Variants in ARHGAP40 observed in about 807,000 individuals in gnomAD.
ARHGAP40 encodes rho GTPase-activating protein 40.
ARHGAP40 carries 43 observed loss-of-function variants against 73.5 expected under a neutral mutation model. The observed-to-expected ratio is 0.58, with a 90% confidence interval of 0.46 to 0.75. ARHGAP40 has a LOEUF of 0.75. ARHGAP40 is among the 30% of genes least tolerant of loss of function. The probability of loss-of-function intolerance (pLI) is 0.00; values close to 1 mark genes in which losing one functional copy is unlikely to be tolerated. For synonymous variants in ARHGAP40, 300 were observed against 352.8 expected (o/e 0.85, Z 1.68); for missense variants, 734 against 861.8 (o/e 0.85, Z 1.86).
exon 11 of ARHGAP40, chr20:38,643,709 G>T: frequency 2.3e-6 from 3 of 1,305,742 alleles, no homozygotes; most frequent in Non-Finnish European, 3.0e-6. Context: ...CCTAGGCACT[G>T]CTGGAATTCC....
intron 9 of ARHGAP40, among the ~76,000 whole-genome samples, chr20:38,640,362 A>G (rs533670841): frequency 6.6e-6 from 1 of 151,836 alleles, no homozygotes; most frequent in Non-Finnish European, 1.5e-5. Context: ...GAATATAGGC[A>G]CATGAGACCA....
intron 14 of ARHGAP40, 103 bp from the exon 15 acceptor site, chr20:38,649,654 A>T (rs1015816558): frequency 7.9e-6 from 5 of 629,568 alleles, no homozygotes; most frequent in Non-Finnish European, 1.3e-5. Context: ...GTCAAGATGC[A>T]TACAGCCAGG....
intron 1 of ARHGAP40, among the ~76,000 whole-genome samples, chr20:38,604,885 TATA>T (rs761070852): frequency 2.0e-5 from 3 of 152,050 alleles, no homozygotes; most frequent in Non-Finnish European, 4.4e-5. Flanking sequence ...AAAATCAGCT[TATA>T]ATAATATCAC....
intron 1 of ARHGAP40, among the ~76,000 whole-genome samples, chr20:38,622,629 C>T (rs1020204656): frequency 3.3e-5 from 5 of 152,132 alleles, no homozygotes; most frequent in Non-Finnish European, 5.9e-5. Flanking sequence ...ACCACATAGC[C>T]TGGATCATGA....
chr20:38,606,089 G>A (rs2088769331), intron 1 of ARHGAP40, among the ~76,000 whole-genome samples: 1 of 152,038 alleles, frequency 6.6e-6, no homozygotes, highest in Non-Finnish European at 1.5e-5. Context: ...TCAAACTCCT[G>A]GACTCAAGCA....
chr20:38,637,692 C>G lies in ARHGAP40; in HGVS notation c.950-16C>G, dbSNP rs1404867894. 3.2e-5 allele frequency: 42 copies of G among 1,304,856 alleles called. No homozygotes were observed. The highest frequency in any genetic ancestry group is 4.1e-5 in the Non-Finnish European group (41 of 988,692). The allele number at this position is 1,304,856 out of a possible 1,614,324, so 80.8% of individuals were successfully genotyped here. A position where few individuals can be genotyped will look rare whatever the true frequency, so the allele number is the denominator to read the frequency against. Reference sequence around the variant, plus strand: ...CCAAGAAGTGAAATGTGCCTCTGCTCTTTGACTTTCTGCAGAAACTCGCCT... The same window carrying G: ...CCAAGAAGTGAAATGTGCCTCTGCTGTTTGACTTTCTGCAGAAACTCGCCT... On this transcript the variant is annotated splice_polypyrimidine_tract_variant and intron_variant, in intron 6 of 14. Coordinates refer to ENST00000373345, the Ensembl canonical transcript of ARHGAP40.
intron 1 of ARHGAP40, chr20:38,614,958 G>T (rs1038172292): frequency 7.1e-6 from 9 of 1,261,108 alleles, no homozygotes; most frequent in Non-Finnish European, 1.0e-5. Flanking sequence ...GGAGGTTTGT[G>T]CGAGTTTGTA....
chr20:38,628,874 A>G, intron 3 of ARHGAP40, 53 bp from the exon 4 acceptor site: 1 of 1,241,586 alleles, frequency 8.1e-7, no homozygotes, highest in Middle Eastern at 2.2e-4. Context: ...GGGTTGTGTG[A>G]GCATTGTCAG....
At chr20:38,637,400 C>T (rs2088982162) in intron 6 of ARHGAP40, among the ~76,000 whole-genome samples, 1 of 152,176 alleles carries the variant, frequency 6.6e-6, no homozygotes, top group Non-Finnish European at 1.5e-5. Context: ...CCGCCTGTCT[C>T]AGCCTCCCAA....
chr20:38,607,133 T>C (rs1245224148), intron 1 of ARHGAP40, among the ~76,000 whole-genome samples: 2 of 152,180 alleles, frequency 1.3e-5, no homozygotes, highest in Non-Finnish European at 2.9e-5. Flanking sequence ...AAGGGCAAGT[T>C]CTTGGAGCTG....
intron 10 of ARHGAP40, 128 bp downstream of exon 10, chr20:38,641,936 C>A: frequency 1.6e-6 from 1 of 635,946 alleles, no homozygotes; most frequent in Non-Finnish European, 2.3e-6. Context: ...TCAGTGATGA[C>A]CCACACAAAC....
intron 1 of ARHGAP40, among the ~76,000 whole-genome samples, chr20:38,622,772 T>A (rs993596892): frequency 6.6e-6 from 1 of 152,184 alleles, no homozygotes; most frequent in African/African-American, 2.4e-5. Flanking sequence ...TTCACGTGCC[T>A]GATACTGACC....
intron 1 of ARHGAP40, among the ~76,000 whole-genome samples, chr20:38,622,120 A>T (rs932184324): frequency 1.0e-3 from 144 of 143,132 alleles, no homozygotes; most frequent in African/African-American, 3.9e-3. Context: ...TTTTTTTTTT[A>T]AAAAGGCAGC....
intron 1 of ARHGAP40, among the ~76,000 whole-genome samples, chr20:38,605,433 CA>C (rs1446136265): frequency 6.6e-6 from 1 of 152,156 alleles, no homozygotes; most frequent in Non-Finnish European, 1.5e-5. Flanking sequence ...TCAAACAGAA[CA>C]TCCCATAATG....
chr20:38,639,140 T>G, intron 8 of ARHGAP40, 87 bp from the exon 9 acceptor site: 268 of 1,250,594 alleles, frequency 2.1e-4, no homozygotes, highest in Non-Finnish European at 2.5e-4. Context: ...ACTTTGCAGA[T>G]GAGGAAACCA....
At chr20:38,638,416 C>T (rs890318491) in intron 7 of ARHGAP40, among the ~76,000 whole-genome samples, 2 of 152,138 alleles carry the variant, frequency 1.3e-5, no homozygotes, top group African/African-American at 4.8e-5. Context: ...GAACTCCTGG[C>T]CTCAAGTGAT....
At chr20:38,639,382 G>C (rs1415898692) in exon 9 of ARHGAP40, 1 of 1,305,502 alleles carries the variant, frequency 7.7e-7, no homozygotes, top group South Asian at 1.2e-5. Flanking sequence ...TCGCCGTGGT[G>C]CCTAGTGAGT....
chr20:38,619,057 T>C (rs1282134778), intron 1 of ARHGAP40, among the ~76,000 whole-genome samples: 1 of 152,160 alleles, frequency 6.6e-6, no homozygotes, highest in Non-Finnish European at 1.5e-5. Flanking sequence ...GAATGTGTTA[T>C]GGAGAAGCAG....
exon 4 of ARHGAP40, chr20:38,628,935 G>C (rs546002152): frequency 7.7e-7 from 1 of 1,304,508 alleles, no homozygotes; most frequent in Non-Finnish European, 1.0e-6. Context: ...AGAAAATGTC[G>C]TCAGAGAATG....
Sources: gnomAD v4.1 joint callset for allele counts (sites outside exome capture counted in the v4.1 genomes callset) on GRCh38, gnomAD v4.1.1 for gene constraint, MANE v1.5 for transcripts, NCBI Gene and HGNC (gene_info 2026-07-23, HGNC 2026-07-21) for gene names.